The following NTM variants were observed in gnomAD, a reference collection of about 807,000 sequenced individuals.
NTM encodes IgLON family member 2.
NTM carries 13 observed loss-of-function variants against 42.1 expected under a neutral mutation model. The observed-to-expected ratio is 0.31, with a 90% confidence interval of 0.20 to 0.49. NTM has a LOEUF of 0.49. Ranked by LOEUF, NTM falls within the 20% of genes least tolerant of loss-of-function variation. The probability of loss-of-function intolerance (pLI) is 0.99; values close to 1 mark genes in which losing one functional copy is unlikely to be tolerated. For missense variants in NTM, 373 were observed against 452.8 expected (o/e 0.82, Z 1.60); for synonymous variants, 187 against 179.2 (o/e 1.04, Z -0.35).
intron 4 of NTM, among the ~76,000 whole-genome samples, chr11:132,281,740 T>A (rs1010828114): frequency 6.6e-6 from 1 of 152,180 alleles, no homozygotes; most frequent in African/African-American, 2.4e-5. Flanking sequence ...TCTTTTAGAT[T>A]TGGAATAAGG....
intron 1 of NTM, among the ~76,000 whole-genome samples, chr11:131,807,900 G>A (rs2092578492): frequency 6.6e-6 from 1 of 152,226 alleles, no homozygotes; most frequent in South Asian, 2.1e-4. Flanking sequence ...GATTATTAAT[G>A]ATATCATGAT....
chr11:131,555,527 C>A (rs1278379771), intron 1 of NTM, among the ~76,000 whole-genome samples: 1 of 152,214 alleles, frequency 6.6e-6, no homozygotes, highest in African/African-American at 2.4e-5. Flanking sequence ...ATTGCCTACA[C>A]ATTCCCAAAG....
At chr11:131,777,066 A>G in intron 1 of NTM, 1 of 948,700 alleles carries the variant, frequency 1.1e-6, no homozygotes, top group Non-Finnish European at 1.3e-6. Context: ...CTTCTGCCAT[A>G]CATAGAAAAG....
At chr11:131,795,049 A>T (rs545505759) in intron 1 of NTM, 2 of 884,028 alleles carry the variant, frequency 2.3e-6, no homozygotes, top group African/African-American at 1.8e-5. Flanking sequence ...AGGGGGGGAA[A>T]AAAACAGCAC....
rs140956558 is a variant in NTM, at chr11:132,191,636, A to G, written c.401-20386A>G. Among the ~76,000 whole-genome samples, 481 of 152,314 alleles carry G rather than the reference A, an allele frequency of 3.2e-3. 5 individuals are homozygous for G. Among genetic ancestry groups the G allele is most frequent in the African/African-American group, 0.011 (443 of 41,570 alleles). On this transcript the variant is annotated intron_variant, in intron 3 of 8. Coordinates refer to ENST00000683400, the MANE Select transcript of NTM (RefSeq NM_001352005.2). ...AACCCAAAGTGTCTTCTTACCTCCA[A>G]ATGATCACACTAGCTACCCAGCAAT...
chr11:131,651,903 G>A (rs2512898), intron 1 of NTM, among the ~76,000 whole-genome samples: 26,364 of 145,350 alleles, frequency 0.18, 2,547 homozygotes, highest in South Asian at 0.23. Context: ...ATTCCACTCC[G>A]GGGGAAGCTT....
chr11:132,084,207 C>G (rs1265516989), intron 2 of NTM, among the ~76,000 whole-genome samples: 2 of 152,012 alleles, frequency 1.3e-5, no homozygotes, highest in Admixed American at 1.3e-4. Flanking sequence ...GGGATAAAAA[C>G]AAGACAACAA....
chr11:132,019,791 C>CT (rs916923609), intron 2 of NTM, among the ~76,000 whole-genome samples: 54 of 151,734 alleles, frequency 3.6e-4, no homozygotes, highest in African/African-American at 1.2e-3. Context: ...TTGGATCTTA[C>CT]TTTTTTTATC....
At chr11:131,744,797 C>G (rs893889083) in intron 1 of NTM, among the ~76,000 whole-genome samples, 2 of 152,102 alleles carry the variant, frequency 1.3e-5, no homozygotes, top group East Asian at 1.9e-4. Flanking sequence ...TCTCCTTAGC[C>G]CCAAAGATGC....
intron 1 of NTM, among the ~76,000 whole-genome samples, chr11:131,721,169 G>A (rs1018748933): frequency 4.6e-5 from 7 of 151,386 alleles, no homozygotes; most frequent in Admixed American, 3.3e-4. Context: ...AAGTGACCCC[G>A]GGAAACCAGA....
At chr11:132,053,464 C>T (rs1351106440) in intron 2 of NTM, among the ~76,000 whole-genome samples, 1 of 152,158 alleles carries the variant, frequency 6.6e-6, no homozygotes, top group Non-Finnish European at 1.5e-5. Context: ...AGTCACCAAA[C>T]AAACTCATGC....
chr11:131,669,882 C>T (rs546474754), intron 1 of NTM, among the ~76,000 whole-genome samples: 23 of 152,286 alleles, frequency 1.5e-4, no homozygotes, highest in Admixed American at 1.0e-3. Flanking sequence ...AAGATTTGAG[C>T]GATCTCTTGC....
chr11:132,095,983 C>A (rs2060932260), intron 2 of NTM, among the ~76,000 whole-genome samples: 1 of 152,172 alleles, frequency 6.6e-6, no homozygotes, highest in African/African-American at 2.4e-5. Flanking sequence ...CAGCATCCCG[C>A]TGTGGGAGGA....
In NTM at chr11:131,407,234, C is replaced by T. The variant is rs533970465; in HGVS notation, c.82+36346C>T. Reference sequence around the variant, plus strand: ...AAACCCAAGGCTCTCAGGAGAGGACCGAAGTGACTCAATGTGCCTGTCATG... The same window carrying T: ...AAACCCAAGGCTCTCAGGAGAGGACTGAAGTGACTCAATGTGCCTGTCATG... On this transcript the variant is annotated intron_variant, in intron 1 of 8. Transcript: ENST00000683400. Among the ~76,000 whole-genome samples, 5 of 152,206 alleles carry T rather than the reference C, an allele frequency of 3.3e-5. No homozygotes were observed. In the East Asian group the frequency reaches 7.7e-4, roughly 23 times the overall value.
At chr11:131,509,040 A>C (rs924560289) in intron 1 of NTM, among the ~76,000 whole-genome samples, 1 of 150,758 alleles carries the variant, frequency 6.6e-6, no homozygotes, top group Non-Finnish European at 1.5e-5. Context: ...TATAATAATA[A>C]AAAATAATAA....
intron 1 of NTM, among the ~76,000 whole-genome samples, chr11:131,627,143 G>T (rs145557385): frequency 6.6e-6 from 1 of 152,192 alleles, no homozygotes; most frequent in South Asian, 2.1e-4. Context: ...CTTGTACCTC[G>T]AGTGCCCTGG....
At chr11:132,270,218 A>G (rs1591645837) in intron 4 of NTM, among the ~76,000 whole-genome samples, 1 of 151,992 alleles carries the variant, frequency 6.6e-6, no homozygotes, top group South Asian at 2.1e-4. Flanking sequence ...AAGAGACCAT[A>G]TATTTTATTT....
rs2066254155 is a variant in NTM at position 131,649,872 on chromosome 11, A to G, written c.83-261692A>G. Among the ~76,000 whole-genome samples the G allele has an allele frequency of 2.6e-5, 4 of 152,178 alleles. No individual in the cohort carries two copies. In the South Asian group the frequency reaches 8.3e-4, roughly 32 times the overall value. ...TTGTTTTGCAAAGTTAGCATTTCCCAGACTGACCCCCTTCCCACCTTACGA... is the reference window on the plus strand; with the variant it reads ...TTGTTTTGCAAAGTTAGCATTTCCCGGACTGACCCCCTTCCCACCTTACGA... On this transcript the variant is annotated intron_variant, in intron 1 of 8. Transcript: ENST00000683400.
rs1449602980 is a variant in NTM at position 131,689,071 on chromosome 11, G to GCC, written c.83-222493_83-222492insCC. ...AACGAGAGCTACCAATAAATTGGAT[G>GCC]TTTGTTAAGGAAAATCCCCGCAGCC... On this transcript the variant is annotated intron_variant, in intron 1 of 8. Coordinates refer to ENST00000683400, the MANE Select transcript of NTM (RefSeq NM_001352005.2). Among the ~76,000 whole-genome samples, 475 of 152,350 alleles carry GCC rather than the reference G, an allele frequency of 3.1e-3. 2 individuals carry two copies. The highest frequency in any genetic ancestry group is 0.011 in the African/African-American group (456 of 41,570).
Sources: allele counts gnomAD v4.1 joint callset (sites outside exome capture counted in the v4.1 genomes callset), GRCh38; gene constraint gnomAD v4.1.1; transcripts MANE v1.5; gene names NCBI Gene and HGNC (gene_info 2026-07-23, HGNC 2026-07-21).